FGFR1: variants seen among roughly 807,000 people sequenced by gnomAD.
FGFR1 encodes the protein fibroblast growth factor receptor 1.
Under a neutral mutation model 93.7 loss-of-function variants are expected in FGFR1, and 18 were observed. The ratio of observed to expected loss-of-function variants is 0.19; its 90% CI spans 0.13 to 0.28. The LOEUF is 0.28. Among genes scored for constraint, FGFR1 ranks in the 10% least tolerant of loss-of-function variants. FGFR1 has a pLI of 1.00. For missense variants in FGFR1, 731 were observed against 1,080.4 expected, an observed-to-expected ratio of 0.68 and a Z score of 4.53; for synonymous variants, 448 against 429.3, an observed-to-expected ratio of 1.04 and a Z score of -0.54.
At position 38,428,443 on chromosome 8, in the gene FGFR1, A is replaced by G. The variant is rs1821596994; in HGVS notation, c.359-8T>C. The G allele has an allele frequency of 6.2e-7, 1 of 1,608,254 alleles. No homozygotes were observed. On this transcript the variant is annotated splice_polypyrimidine_tract_variant and splice_region_variant and intron_variant, in intron 3 of 17. Coordinates refer to ENST00000447712, the MANE Select transcript of FGFR1 (RefSeq NM_023110.3). ...CCGAGGAGGGGAGAGCATCTATGGG[A>G]AGAAGAAGGGGCACTGAGGTTCCTC...
chr8:38,426,323 G>C lies in FGFR1; in HGVS notation c.622-78C>G, dbSNP rs2150870762. 6.3e-7 allele frequency: 1 copy of C among 1,595,400 alleles called. No homozygotes were observed. The highest frequency in any genetic ancestry group is 8.5e-7 in the Non-Finnish European group (1 of 1,170,714). ...CCCATGACAATGTCGGCACCCCGTG[G>C]CACCTGCCCTCCATATCAGAGCCTG... On this transcript the variant is annotated intron_variant, in intron 5 of 17. Transcript: ENST00000447712. The surrounding 1 kb of genome is among the most constrained non-coding windows in gnomAD (Gnocchi z 4.1).
At chr8:38,449,889 A>AG (rs1830507713) in intron 2 of FGFR1, among the ~76,000 whole-genome samples, 1 of 152,250 alleles carries the variant, frequency 6.6e-6, no homozygotes, top group Non-Finnish European at 1.5e-5. Context: ...TTGTGAGCCA[A>AG]GAAACAGGAG....
chr8:38,437,856 C>T (rs926703032), intron 2 of FGFR1, among the ~76,000 whole-genome samples: 1 of 152,154 alleles, frequency 6.6e-6, no homozygotes, highest in East Asian at 1.9e-4. Context: ...TTTGAAATAC[C>T]GCTTCACCAG....
rs529333746 is a variant in FGFR1 at position 38,439,491 on chromosome 8, C to G, written c.92-9543G>C. On this transcript the variant is annotated intron_variant, in intron 2 of 17. Transcript: ENST00000447712. ...GGCAAAAGAGCTGGTCCGCCCTCCC[C>G]CTTGGGCCACATCCTCAGGACTGCA... Among the ~76,000 whole-genome samples, 24 of 152,286 alleles carry G rather than the reference C, an allele frequency of 1.6e-4. No homozygotes were observed. In the South Asian group the frequency reaches 2.3e-3, roughly 14 times the overall value.
In FGFR1 at chr8:38,424,779, T is replaced by G. The variant is rs1371725097; in HGVS notation, c.746-80A>C. On this transcript the variant is annotated intron_variant, in intron 6 of 17. Coordinates refer to ENST00000447712, the MANE Select transcript of FGFR1 (RefSeq NM_023110.3). This position sits in a 1 kb window ranked among gnomAD's most constrained non-coding sequence, Gnocchi z 4.3. ...AGGGGTGGGCTCACCTGCGCCCCAC[T>G]TGGCTTTCCCAGTGATGGGTTGTAA... is the stretch of plus-strand genomic sequence containing the variant. 6.7e-7 allele frequency: 1 copy of G among 1,482,192 alleles called. No homozygotes were observed. Among genetic ancestry groups the G allele is most frequent in the African/African-American group, 1.4e-5 (1 of 72,406 alleles). The allele number at this position is 1,482,192 out of a possible 1,614,324, so 91.8% of individuals were successfully genotyped here. A position where few individuals can be genotyped will look rare whatever the true frequency, so the allele number is the denominator to read the frequency against.
chr8:38,461,175 T>C (rs1435409020), intron 1 of FGFR1: 1 of 1,525,924 alleles, frequency 6.6e-7, no homozygotes. Flanking sequence ...ACTGGAGTAC[T>C]GATCCAACAT....
chr8:38,457,804 G>A (rs771642824), intron 1 of FGFR1, among the ~76,000 whole-genome samples: 3 of 152,072 alleles, frequency 2.0e-5, no homozygotes, highest in African/African-American at 4.8e-5. Context: ...TGGCCATGGC[G>A]AAACCCCGTC....
At chr8:38,414,472 C>CTCCTCAGT in intron 15 of FGFR1, 87 bp downstream of exon 15, 3 of 1,555,076 alleles carry the variant, frequency 1.9e-6, no homozygotes, top group Non-Finnish European at 2.6e-6. Flanking sequence ...AGAAAGAGGA[C>CTCCTCAGT]TCCTCAGTCC....
intron 2 of FGFR1, chr8:38,435,503 A>T (rs1401047752): frequency 5.3e-5 from 8 of 152,208 alleles, no homozygotes; most frequent in African/African-American, 1.9e-4. Flanking sequence ...GCCCTGCTTG[A>T]CTGCGTCACA....
Position 38,424,272 on chromosome 8 carries a change from C to T in FGFR1, c.936+237G>A, listed in dbSNP as rs761260900. ...GTGACGTTGCTCTCAAAGCTTATTA[C>T]AGACCAGCACCACCCATCCCTGCAG... is the stretch of plus-strand genomic sequence containing the variant. On this transcript the variant is annotated intron_variant, in intron 7 of 17. Transcript: ENST00000447712. The surrounding 1 kb of genome is among the most constrained non-coding windows in gnomAD (Gnocchi z 4.3). 1.2e-5 allele frequency: 8 copies of T among 685,950 alleles called. No homozygotes were observed. Among genetic ancestry groups the T allele is most frequent in the South Asian group, 6.1e-5 (4 of 65,520 alleles). 42.5% of individuals were successfully genotyped at this position (685,950 alleles called of 1,614,324 possible).
chr8:38,418,393 C>T lies in FGFR1; in HGVS notation c.1285-20G>A, dbSNP rs779786642. On this transcript the variant is annotated intron_variant, in intron 9 of 17. Coordinates refer to ENST00000447712, the MANE Select transcript of FGFR1 (RefSeq NM_023110.3). ...AGACACCTGCAAGGAAGAGTGGGGTCACCCTAGAGCAAGGAGGGGGGACGG... is the reference window on the plus strand; with the variant it reads ...AGACACCTGCAAGGAAGAGTGGGGTTACCCTAGAGCAAGGAGGGGGGACGG... 4.2e-5 allele frequency: 68 copies of T among 1,610,788 alleles called. No homozygotes were observed. Among genetic ancestry groups the T allele is most frequent in the Non-Finnish European group, 5.3e-5 (62 of 1,178,476 alleles).
rs3925 is a variant in FGFR1, at chr8:38,424,140, G to A, written c.936+369C>T. 79,250 of 397,934 alleles carry A rather than the reference G, an allele frequency of 0.2. 8,798 individuals are homozygous for A. Among genetic ancestry groups the A allele is most frequent in the East Asian group, 0.32 (5,710 of 17,800 alleles). The allele number at this position is 397,934 out of a possible 1,614,324, so 24.7% of individuals were successfully genotyped here. On this transcript the variant is annotated intron_variant, in intron 7 of 17. Coordinates refer to ENST00000447712, the MANE Select transcript of FGFR1 (RefSeq NM_023110.3). This position sits in a 1 kb window ranked among gnomAD's most constrained non-coding sequence, Gnocchi z 4.3. ...GCCAGAAAGATCGTACGTAACTCAG[G>A]ACACAGGGCTAAGACTGGGAAACGC...
intron 3 of FGFR1, chr8:38,428,727 T>G: frequency 4.5e-6 from 2 of 448,162 alleles, no homozygotes; most frequent in Admixed American, 3.5e-5. Flanking sequence ...CAAAGGCGCT[T>G]TCTCAACTTG....
chr8:38,433,234 T>C (rs937975858), intron 2 of FGFR1, among the ~76,000 whole-genome samples: 4 of 151,938 alleles, frequency 2.6e-5, no homozygotes, highest in African/African-American at 4.8e-5. Flanking sequence ...AGCTACTCAG[T>C]GGGCTGAGAC....
intron 2 of FGFR1, among the ~76,000 whole-genome samples, chr8:38,452,971 G>A (rs1002310575): frequency 2.0e-5 from 3 of 152,084 alleles, no homozygotes; most frequent in African/African-American, 4.8e-5. Flanking sequence ...GTGAGACTCC[G>A]TCTCAAATAA....
At chr8:38,432,858 C>A (rs1195825261) in intron 2 of FGFR1, among the ~76,000 whole-genome samples, 1 of 151,902 alleles carries the variant, frequency 6.6e-6, no homozygotes, top group Non-Finnish European at 1.5e-5. Context: ...GGCTTCCACT[C>A]TCTCCACCCA....
intron 1 of FGFR1, chr8:38,467,773 A>G (rs1835868839): frequency 4.4e-6 from 1 of 229,190 alleles, no homozygotes; most frequent in Non-Finnish European, 8.7e-6. Context: ...GGCGCAGGAG[A>G]CGCGGACGGA....
In FGFR1 at chr8:38,411,278, T is replaced by G. The variant is rs1399560368; in HGVS notation, c.*2350A>C. 4.8e-6 allele frequency: 1 copy of G among 210,058 alleles called. No homozygotes were observed. The highest frequency in any genetic ancestry group is 9.7e-6 in the Non-Finnish European group (1 of 103,470). 13.0% of individuals were successfully genotyped at this position (210,058 alleles called of 1,614,324 possible). A position where few individuals can be genotyped will look rare whatever the true frequency, so the allele number is the denominator to read the frequency against. On this transcript the variant is annotated 3_prime_UTR_variant, in exon 18 of 18. Coordinates refer to ENST00000447712, the MANE Select transcript of FGFR1 (RefSeq NM_023110.3). Reference sequence around the variant, plus strand: ...TTTTCTAGCACCTCTCCCAAGGACTTATGAAGACTTTTAGATTCTTCATCC... The same window carrying G: ...TTTTCTAGCACCTCTCCCAAGGACTGATGAAGACTTTTAGATTCTTCATCC...
intron 8 of FGFR1, 50 bp from the exon 9 acceptor site, chr8:38,419,785 G>A (rs1440471622): frequency 1.3e-6 from 2 of 1,519,026 alleles, no homozygotes; most frequent in African/African-American, 1.4e-5. Context: ...CCCCGTCCAT[G>A]CGAGGTCCCG....
Sources: allele counts gnomAD v4.1 joint callset (sites outside exome capture counted in the v4.1 genomes callset), GRCh38; gene constraint gnomAD v4.1.1; non-coding constraint Gnocchi (gnomAD v3.1); transcripts MANE v1.5; gene names NCBI Gene and HGNC (gene_info 2026-07-23, HGNC 2026-07-21).